DPF3: variants seen among roughly 807,000 people sequenced by gnomAD.
DPF3 encodes double PHD fingers 3.
A neutral mutation model predicts 56.8 loss-of-function variants in DPF3; 18 were observed. The observed-to-expected ratio is 0.32, with a 90% CI of 0.22 to 0.47. The LOEUF (loss-of-function observed/expected upper bound fraction) is 0.47. DPF3 is among the 20% of genes least tolerant of loss of function. The probability of loss-of-function intolerance (pLI) is 1.00; values close to 1 mark genes in which losing one functional copy is unlikely to be tolerated. For missense variants in DPF3, 403 were observed against 488.8 expected, an observed-to-expected ratio of 0.82 and a Z score of 1.65; for synonymous variants, 188 against 180.2, an observed-to-expected ratio of 1.04 and a Z score of -0.35.
intron 1 of DPF3, among the ~76,000 whole-genome samples, chr14:72,876,008 T>C (rs1031248223): frequency 4.6e-5 from 7 of 151,994 alleles, no homozygotes; most frequent in Non-Finnish European, 1.0e-4. Flanking sequence ...TGGATTTATA[T>C]ATTTTATTTA....
At chr14:72,641,537 G>A (rs1273990106) in intron 8 of DPF3, among the ~76,000 whole-genome samples, 1 of 152,212 alleles carries the variant, frequency 6.6e-6, no homozygotes, top group Admixed American at 6.5e-5. Flanking sequence ...CAAGGCTGGG[G>A]CAGGTCCTGA....
intron 1 of DPF3, among the ~76,000 whole-genome samples, chr14:72,799,691 G>C (rs1440264270): frequency 4.6e-5 from 7 of 152,076 alleles, no homozygotes; most frequent in African/African-American, 1.7e-4. Context: ...ATCCGTTCAA[G>C]AGTGATCAGT....
intron 8 of DPF3, among the ~76,000 whole-genome samples, chr14:72,636,661 G>C (rs1020499478): frequency 1.3e-5 from 2 of 152,210 alleles, no homozygotes; most frequent in African/African-American, 4.8e-5. Context: ...GGGCACTGCT[G>C]CTTCACATAA....
At chr14:72,660,054 T>C (rs1886159808) in intron 8 of DPF3, among the ~76,000 whole-genome samples, 1 of 151,750 alleles carries the variant, frequency 6.6e-6, no homozygotes, top group South Asian at 2.1e-4. Flanking sequence ...GGGGAGGGAA[T>C]GGGGAGTACG....
rs541948396 is a variant in DPF3 at position 72,762,404 on chromosome 14, C to T, written c.194-9033G>A. 6.6e-5 allele frequency among the ~76,000 whole-genome samples: 10 copies of T among 151,910 alleles called. No individual in the cohort carries two copies. In the South Asian group the frequency reaches 2.1e-3, roughly 31 times the overall value. The stretch of plus-strand genomic sequence containing the variant: ...AACATTCAGAAATCAATCAATGTAA[C>T]TCATTATGTTAAATGTAAACTTAAG... On this transcript the variant is annotated intron_variant, in intron 2 of 10. Transcript: ENST00000556509.
chr14:72,841,953 G>C (rs1343381788), intron 1 of DPF3, among the ~76,000 whole-genome samples: 1 of 152,050 alleles, frequency 6.6e-6, no homozygotes, highest in Admixed American at 6.6e-5. Context: ...GCTGGGTGTG[G>C]TGGTACACCT....
At chr14:72,627,106 G>T (rs1359222996) in intron 9 of DPF3, among the ~76,000 whole-genome samples, 4 of 151,926 alleles carry the variant, frequency 2.6e-5, no homozygotes, top group Admixed American at 2.6e-4. Flanking sequence ...CTCCCAGTTT[G>T]TCAGTTGTCT....
At chr14:72,886,466 T>C (rs1886550955) in intron 1 of DPF3, among the ~76,000 whole-genome samples, 1 of 152,182 alleles carries the variant, frequency 6.6e-6, no homozygotes, top group East Asian at 1.9e-4. Flanking sequence ...AAGACCAGTC[T>C]GAGCAACATA....
At chr14:72,850,049 G>A (rs1884913474) in intron 1 of DPF3, among the ~76,000 whole-genome samples, 1 of 151,938 alleles carries the variant, frequency 6.6e-6, no homozygotes. Context: ...AACCCAGGAG[G>A]TGGAGGTTGC....
intron 8 of DPF3, among the ~76,000 whole-genome samples, chr14:72,672,060 GACACACAC>G (rs369762823): frequency 7.5e-6 from 1 of 132,976 alleles, no homozygotes; most frequent in Non-Finnish European, 1.6e-5. Flanking sequence ...CACACACACA[GACACACAC>G]ACACACACAC....
At chr14:72,869,841 A>T (rs1885824874) in intron 1 of DPF3, among the ~76,000 whole-genome samples, 1 of 152,164 alleles carries the variant, frequency 6.6e-6, no homozygotes, top group African/African-American at 2.4e-5. Context: ...ATCTGGAGCC[A>T]CAGAAACAGG....
Position 72,892,541 on chromosome 14 carries a change from A to G in DPF3, c.32+1516T>C. 2.9e-6 allele frequency: 4 copies of G among 1,386,556 alleles called. No homozygotes were observed. The East Asian group carries it at 1.1e-4, about 38-fold the overall frequency. 85.9% of individuals were successfully genotyped at this position (1,386,556 alleles called of 1,614,324 possible). ...TTCTGATGGGCGACGAGCTGGCGCA[A>G]ACACGTCCGATTCTCCCTGTGCATT... On this transcript the variant is annotated intron_variant, in intron 1 of 10. Coordinates refer to ENST00000556509, the MANE Select transcript of DPF3 (RefSeq NM_001280542.3).
chr14:72,885,878 G>A (rs1476168967), intron 1 of DPF3, among the ~76,000 whole-genome samples: 1 of 152,224 alleles, frequency 6.6e-6, no homozygotes, highest in Non-Finnish European at 1.5e-5. Context: ...ATCAAGTTCT[G>A]ACTATGCTAC....
At chr14:72,745,834 A>C (rs1440269401) in intron 3 of DPF3, among the ~76,000 whole-genome samples, 1 of 152,240 alleles carries the variant, frequency 6.6e-6, no homozygotes, top group African/African-American at 2.4e-5. Context: ...ATCAAATGGA[A>C]TAAAAATAAG....
intron 3 of DPF3, among the ~76,000 whole-genome samples, chr14:72,734,979 C>T (rs928741559): frequency 2.0e-5 from 3 of 152,122 alleles, no homozygotes; most frequent in East Asian, 1.9e-4. Context: ...GTTATTAACC[C>T]GTTTTACAGA....
At chr14:72,796,925 C>T (rs10130873) in intron 1 of DPF3, among the ~76,000 whole-genome samples, 103,546 of 151,970 alleles carry the variant, frequency 0.68, 35,629 homozygotes, top group East Asian at 0.79. Context: ...TGGGGTAAGG[C>T]GAGGCATGAG....
intron 10 of DPF3, 77 bp from the exon 11 acceptor site, chr14:72,619,444 G>A: frequency 6.9e-7 from 1 of 1,458,490 alleles, no homozygotes; most frequent in Non-Finnish European, 9.2e-7. Context: ...CTAACTTCTT[G>A]TAAATCCTGT....
intron 3 of DPF3, among the ~76,000 whole-genome samples, chr14:72,737,705 A>AGT (rs1330772856): frequency 6.6e-6 from 1 of 152,218 alleles, no homozygotes; most frequent in Non-Finnish European, 1.5e-5. Context: ...TTCGGGAGGC[A>AGT]GTGTGTTCTG....
intron 3 of DPF3, among the ~76,000 whole-genome samples, chr14:72,734,654 A>G (rs1354334285): frequency 6.6e-6 from 1 of 152,202 alleles, no homozygotes. Flanking sequence ...TAGAGCTAGA[A>G]AAGACCTTAT....
Sources: allele counts gnomAD v4.1 joint callset (sites outside exome capture counted in the v4.1 genomes callset), GRCh38; gene constraint gnomAD v4.1.1; transcripts MANE v1.5; gene names NCBI Gene and HGNC (gene_info 2026-07-23, HGNC 2026-07-21).